The following BCAS3 variants were observed in gnomAD, a reference collection of about 807,000 sequenced individuals.
BCAS3 encodes the protein BCAS4/BCAS3 fusion.
In BCAS3, 53 loss-of-function variants were observed where a neutral mutation model predicts 116.1. That is an observed-to-expected ratio of 0.46 (90% CI 0.37 to 0.57). The LOEUF (loss-of-function observed/expected upper bound fraction) is 0.57, where lower values mean the gene tolerates loss of function less well. Ranked by LOEUF, BCAS3 falls within the 20% of genes least tolerant of loss-of-function variation. The probability of loss-of-function intolerance (pLI) is 0.00; values close to 1 mark genes in which losing one functional copy is unlikely to be tolerated. For missense variants in BCAS3, 917 were observed against 1,165.4 expected (o/e 0.79, Z 3.10); for synonymous variants, 391 against 408.2 (o/e 0.96, Z 0.51).
At chr17:61,121,352 A>T (rs758884357) in intron 22 of BCAS3, among the ~76,000 whole-genome samples, 1 of 152,144 alleles carries the variant, frequency 6.6e-6, no homozygotes, top group East Asian at 1.9e-4. Flanking sequence ...TCAACATTGT[A>T]TTATTTGATA....
chr17:60,743,112 CAAA>C (rs528323733), intron 5 of BCAS3, among the ~76,000 whole-genome samples: 1 of 68,022 alleles, frequency 1.5e-5, no homozygotes, highest in Admixed American at 1.6e-4. Flanking sequence ...GACTCCTTCT[CAAA>C]AAAAAAAAAA....
chr17:60,683,968 T>C lies in BCAS3; in HGVS notation c.84-14T>C. On this transcript the variant is annotated splice_polypyrimidine_tract_variant and intron_variant, in intron 2 of 23. Coordinates refer to ENST00000407086, the MANE Select transcript of BCAS3 (RefSeq NM_017679.5). ...GCTCTCCTGACCAGTGTTGTCCATTTCACCCTTTTCCAGAGAGCAGTCCTA... is the reference window on the plus strand; with the variant it reads ...GCTCTCCTGACCAGTGTTGTCCATTCCACCCTTTTCCAGAGAGCAGTCCTA... 1 of 1,611,900 alleles carries C rather than the reference T, an allele frequency of 6.2e-7. No individual in the cohort carries two copies. The highest frequency in any genetic ancestry group is 8.5e-7 in the Non-Finnish European group (1 of 1,178,124).
Position 60,782,485 on chromosome 17 carries a change from G to A in BCAS3, c.404-25519G>A, listed in dbSNP as rs554190131. 4.0e-5 allele frequency among the ~76,000 whole-genome samples: 6 copies of A among 151,812 alleles called. 1 individual carries two copies. The South Asian group carries it at 1.2e-3, about 32-fold the overall frequency. ...ATGCCTATCTGATTTAAAATTCCATGCCCTTTCTATTTTCTATGTTACTTC... is the reference window on the plus strand; with the variant it reads ...ATGCCTATCTGATTTAAAATTCCATACCCTTTCTATTTTCTATGTTACTTC... On this transcript the variant is annotated intron_variant, in intron 6 of 23. Transcript: ENST00000407086.
At chr17:61,284,552 G>A (rs1377874533) in intron 22 of BCAS3, among the ~76,000 whole-genome samples, 1 of 152,126 alleles carries the variant, frequency 6.6e-6, no homozygotes, top group Admixed American at 6.5e-5. Flanking sequence ...AGAACCCACC[G>A]GAAGGAACCA....
In BCAS3 at chr17:61,188,225, T is replaced by C. The variant is rs1425551559; in HGVS notation, c.2425+103661T>C. Among the ~76,000 whole-genome samples the C allele has an allele frequency of 6.6e-6, 1 of 152,224 alleles. No individual in the cohort carries two copies. Among genetic ancestry groups the C allele is most frequent in the Non-Finnish European group, 1.5e-5 (1 of 68,034 alleles). On this transcript the variant is annotated intron_variant, in intron 22 of 23. Coordinates refer to ENST00000407086, the MANE Select transcript of BCAS3 (RefSeq NM_017679.5). The surrounding 1 kb of genome is among the most constrained non-coding windows in gnomAD (Gnocchi z 4.0). ...CTCCAACTCTTAAACTAGCAAGTTT[T>C]GTTGTTGTTTAACTTTAAGGATCTA... is the stretch of plus-strand genomic sequence containing the variant.
At chr17:60,917,621 T>A (rs924207780) in intron 12 of BCAS3, among the ~76,000 whole-genome samples, 9 of 151,700 alleles carry the variant, frequency 5.9e-5, no homozygotes, top group African/African-American at 1.9e-4. Context: ...TGAAATGGAG[T>A]CTTGCTCTGT....
At chr17:60,706,227 T>G (rs1008317904) in intron 4 of BCAS3, among the ~76,000 whole-genome samples, 2 of 151,956 alleles carry the variant, frequency 1.3e-5, no homozygotes, top group Non-Finnish European at 2.9e-5. Context: ...CACGCCCGGC[T>G]AATTTTTTGT....
At chr17:61,092,830 C>CA (rs1452623471) in intron 22 of BCAS3, among the ~76,000 whole-genome samples, 1 of 149,092 alleles carries the variant, frequency 6.7e-6, no homozygotes, top group Non-Finnish European at 1.5e-5. Context: ...TTTTGACAAG[C>CA]AAAAATCTAA....
At chr17:61,250,060 G>A (rs1048911940) in intron 22 of BCAS3, among the ~76,000 whole-genome samples, 4 of 152,140 alleles carry the variant, frequency 2.6e-5, no homozygotes, top group Admixed American at 1.3e-4. Context: ...CTATAAGGAA[G>A]GTCGAAGACA....
In BCAS3 at chr17:61,019,423, G is replaced by A. The variant is rs925756674; in HGVS notation, c.1637+3522G>A. Reference sequence around the variant, plus strand: ...CCTGGAAACTACTATTGACTTTTCTGATTGTTCTTTTACTATAAGTTATCT... The same window carrying A: ...CCTGGAAACTACTATTGACTTTTCTAATTGTTCTTTTACTATAAGTTATCT... On this transcript the variant is annotated intron_variant, in intron 16 of 23. Coordinates refer to ENST00000407086, the MANE Select transcript of BCAS3 (RefSeq NM_017679.5). This position sits in a 1 kb window ranked among gnomAD's most constrained non-coding sequence, Gnocchi z 5.6. Among the ~76,000 whole-genome samples the A allele has an allele frequency of 1.3e-5, 2 of 152,084 alleles. No homozygotes were observed. The highest frequency in any genetic ancestry group is 4.8e-5 in the African/African-American group (2 of 41,418).
intron 5 of BCAS3, among the ~76,000 whole-genome samples, chr17:60,737,804 G>A (rs1448585715): frequency 6.7e-6 from 1 of 149,972 alleles, no homozygotes; most frequent in African/African-American, 2.5e-5. Flanking sequence ...TATTTTTTTT[G>A]AGATGGAGTC....
chr17:60,871,410 C>T (rs1264024631), intron 8 of BCAS3, among the ~76,000 whole-genome samples: 2 of 152,112 alleles, frequency 1.3e-5, no homozygotes, highest in African/African-American at 4.8e-5. Flanking sequence ...TTCAAGTGGT[C>T]CTCCTGCCTT....
chr17:61,218,625 G>A (rs2081939658), intron 22 of BCAS3, among the ~76,000 whole-genome samples: 1 of 152,162 alleles, frequency 6.6e-6, no homozygotes, highest in Non-Finnish European at 1.5e-5. Flanking sequence ...AGGCAAGCAA[G>A]ACATCCAGCT....
At chr17:60,793,701 T>C (rs1470403967) in intron 6 of BCAS3, among the ~76,000 whole-genome samples, 7 of 152,354 alleles carry the variant, frequency 4.6e-5, no homozygotes, top group African/African-American at 1.7e-4. Flanking sequence ...AAGTCTCCAA[T>C]CTCATCCAGG....
chr17:60,977,655 C>A (rs551893001), intron 14 of BCAS3, among the ~76,000 whole-genome samples: 3 of 148,192 alleles, frequency 2.0e-5, no homozygotes, highest in African/African-American at 7.9e-5. Flanking sequence ...CACCCCGCTC[C>A]CCCCACCCCA....
At chr17:60,843,436 C>G (rs1391453835) in intron 7 of BCAS3, among the ~76,000 whole-genome samples, 1 of 152,064 alleles carries the variant, frequency 6.6e-6, no homozygotes, top group Non-Finnish European at 1.5e-5. Flanking sequence ...TCAGGCTGAT[C>G]TCGAACTCCT....
intron 9 of BCAS3, among the ~76,000 whole-genome samples, chr17:60,880,289 T>C (rs1327142582): frequency 6.6e-6 from 1 of 151,988 alleles, no homozygotes; most frequent in Non-Finnish European, 1.5e-5. Flanking sequence ...TTTATTGTTG[T>C]TGTTGTTTGT....
rs2082809224 is a variant in BCAS3, at chr17:61,233,418, A to T, written c.2426-134909A>T. Among the ~76,000 whole-genome samples the T allele has an allele frequency of 6.6e-6, 1 of 152,234 alleles. No individual in the cohort carries two copies. Among genetic ancestry groups the T allele is most frequent in the African/African-American group, 2.4e-5 (1 of 41,464 alleles). On this transcript the variant is annotated intron_variant, in intron 22 of 23. Coordinates refer to ENST00000407086, the MANE Select transcript of BCAS3 (RefSeq NM_017679.5). The surrounding 1 kb of genome is among the most constrained non-coding windows in gnomAD (Gnocchi z 4.3). ...CAATCAACTAAGCTTGTATTGGTTCATCGTCCAGATCTAAAAATGATTGTT... is the reference window on the plus strand; with the variant it reads ...CAATCAACTAAGCTTGTATTGGTTCTTCGTCCAGATCTAAAAATGATTGTT...
In BCAS3 at chr17:60,778,712, T is replaced by A. The variant is rs143783389; in HGVS notation, c.404-29292T>A. Among the ~76,000 whole-genome samples, 1,349 of 152,276 alleles carry A rather than the reference T, an allele frequency of 8.9e-3. 12 individuals are homozygous for A. Among genetic ancestry groups the A allele is most frequent in the Non-Finnish European group, 0.011 (761 of 68,014 alleles). On this transcript the variant is annotated intron_variant, in intron 6 of 23. Coordinates refer to ENST00000407086, the MANE Select transcript of BCAS3 (RefSeq NM_017679.5). ...CAGATTCCCAAAATTTAGAAGTGGA[T>A]GTATTTGATATCTGAGTGGCATAAG...
Sources: gnomAD v4.1 joint callset for allele counts (sites outside exome capture counted in the v4.1 genomes callset) on GRCh38, gnomAD v4.1.1 for gene constraint, Gnocchi (gnomAD v3.1) non-coding constraint, MANE v1.5 for transcripts, NCBI Gene and HGNC (gene_info 2026-07-23, HGNC 2026-07-21) for gene names.